The following TNN variants were observed in gnomAD, a reference collection of about 807,000 sequenced individuals.
TNN encodes tenascin N, also known as tenascin-N.
TNN carries 122 observed loss-of-function variants against 134.4 expected under a neutral mutation model. The ratio of observed to expected loss-of-function variants is 0.91; its 90% CI spans 0.78 to 1.06. The LOEUF (loss-of-function observed/expected upper bound fraction) is 1.06, where lower values mean the gene tolerates loss of function less well. Ranked by LOEUF, TNN falls within the 50% of genes least tolerant of loss-of-function variation. The pLI is 0.00. For synonymous variants in TNN, 710 were observed against 670.3 expected (o/e 1.06, Z -0.91); for missense variants, 1,739 against 1,699.4 (o/e 1.02, Z -0.41).
intron 12 of TNN, among the ~76,000 whole-genome samples, chr1:175,126,104 C>CTTTTTTT (rs11410834): frequency 7.5e-6 from 1 of 133,332 alleles, no homozygotes; most frequent in African/African-American, 2.9e-5. Flanking sequence ...TTGTTTCTTT[C>CTTTTTTT]TTTTTTTTTT....
chr1:175,070,544 G>A (rs1054796153), intron 1 of TNN, among the ~76,000 whole-genome samples: 1 of 152,192 alleles, frequency 6.6e-6, no homozygotes, highest in African/African-American at 2.4e-5. Context: ...GGGGGACAGA[G>A]TGATACCCAG....
chr1:175,080,372 C>T lies in TNN; in HGVS notation c.994C>T (p.Arg332Cys), dbSNP rs1046965835. The change falls in exon 4 of 19, where the codon CGT becomes TGT. Residue 332 changes from arginine (R) to cysteine (C), a missense_variant. Transcript: ENST00000239462. ...LPGTKYIVTL[R>C]NVKNEVSSSP... ...TGGAACCAAGTACATAGTCACCCTGCGTAACGTCAAGAATGAAGTTTCTAG... is the reference window on the plus strand; with the variant it reads ...TGGAACCAAGTACATAGTCACCCTGTGTAACGTCAAGAATGAAGTTTCTAG... The T allele has an allele frequency of 1.1e-5, 17 of 1,613,954 alleles. No homozygotes were observed. The highest frequency in any genetic ancestry group is 4.0e-5 in the African/African-American group (3 of 74,916).
At chr1:175,109,070 G>GTTTTT (rs1338891175) in intron 9 of TNN, among the ~76,000 whole-genome samples, 2 of 88,336 alleles carry the variant, frequency 2.3e-5, no homozygotes, top group Non-Finnish European at 4.3e-5. Context: ...CTATCTAACT[G>GTTTTT]TATTTTTTTT....
intron 7 of TNN, among the ~76,000 whole-genome samples, chr1:175,095,959 G>A (rs977453639): frequency 2.0e-5 from 3 of 152,378 alleles, no homozygotes; most frequent in Admixed American, 6.5e-5. Context: ...GGAGCCTCTG[G>A]AGGGTGGCAT....
At chr1:175,096,128 G>C (rs1038786535) in intron 7 of TNN, among the ~76,000 whole-genome samples, 1 of 152,222 alleles carries the variant, frequency 6.6e-6, no homozygotes, top group Non-Finnish European at 1.5e-5. Context: ...AAATGTCCCT[G>C]GAGCTATGGG....
chr1:175,101,338 G>A (rs1248974339), intron 9 of TNN, among the ~76,000 whole-genome samples: 3 of 151,864 alleles, frequency 2.0e-5, no homozygotes, highest in South Asian at 2.1e-4. Context: ...CGGTGGGCTC[G>A]TGGTCTCGCT....
intron 8 of TNN, among the ~76,000 whole-genome samples, 191 bp downstream of exon 8, chr1:175,097,874 C>T (rs1331717641): frequency 6.6e-6 from 1 of 152,116 alleles, no homozygotes; most frequent in African/African-American, 2.4e-5. Flanking sequence ...TTCATGAGAC[C>T]ACTTGGCCCA....
intron 9 of TNN, among the ~76,000 whole-genome samples, chr1:175,112,814 G>T (rs1252077403): frequency 3.3e-5 from 5 of 151,444 alleles, no homozygotes; most frequent in Non-Finnish European, 7.4e-5. Context: ...TAGAGACAGG[G>T]TTTCACCATG....
At chr1:175,090,583 A>G (rs1674422067) in intron 6 of TNN, among the ~76,000 whole-genome samples, 2 of 152,186 alleles carry the variant, frequency 1.3e-5, no homozygotes, top group South Asian at 2.1e-4. Flanking sequence ...GCCTGTGACT[A>G]TGTGCTCAAG....
chr1:175,077,776 G>A lies in TNN; in HGVS notation c.358G>A (p.Val120Met). 1 of 1,614,212 alleles carries A rather than the reference G, an allele frequency of 6.2e-7. No individual in the cohort carries two copies. Among genetic ancestry groups the A allele is most frequent in the Non-Finnish European group, 8.5e-7 (1 of 1,180,028 alleles). The change falls in exon 2 of 19, where the codon GTG becomes ATG. Residue 120 changes from valine (V) to methionine (M), a missense_variant. Transcript: ENST00000239462. Reference sequence around the variant, plus strand: ...GGTGAAGAAGCTGGAGGAAGAGATGGTGGAGATGAAGGAACAGTGTAGTGC... The same window carrying A: ...GGTGAAGAAGCTGGAGGAAGAGATGATGGAGATGAAGGAACAGTGTAGTGC... ...ARVKKLEEEM[V>M]EMKEQCSAQR...
chr1:175,139,810 G>T (rs1425927643), intron 17 of TNN, among the ~76,000 whole-genome samples: 1 of 152,210 alleles, frequency 6.6e-6, no homozygotes, highest in African/African-American at 2.4e-5. Flanking sequence ...TGATGCATTG[G>T]TCTGCAACCT....
In TNN at chr1:175,079,525, CCTG is replaced by C; in HGVS notation, c.604_606del (p.Cys202del). ...GTGGGTGCCGACTGCGGCTACCCGG[CCTG>C]CCCTGAGAACTGCAGCGGACACGGC... On this transcript the variant is annotated inframe_deletion, in exon 3 of 19. Transcript: ENST00000239462. 6.4e-7 allele frequency: 1 copy of C among 1,564,262 alleles called. No individual in the cohort carries two copies. Among genetic ancestry groups the C allele is most frequent in the South Asian group, 1.2e-5 (1 of 85,836 alleles).
intron 4 of TNN, among the ~76,000 whole-genome samples, chr1:175,081,763 A>G (rs1285922669): frequency 6.6e-6 from 1 of 152,188 alleles, no homozygotes; most frequent in Non-Finnish European, 1.5e-5. Context: ...TATCTCAGTA[A>G]GACAGCGTTA....
At chr1:175,080,984 G>A (rs1180576445) in intron 4 of TNN, among the ~76,000 whole-genome samples, 1 of 152,234 alleles carries the variant, frequency 6.6e-6, no homozygotes, top group East Asian at 1.9e-4. Flanking sequence ...TGGACCCAGA[G>A]AGAGCTGTAG....
intron 5 of TNN, among the ~76,000 whole-genome samples, chr1:175,084,607 G>A (rs189718895): frequency 6.6e-6 from 1 of 152,274 alleles, no homozygotes; most frequent in Admixed American, 6.5e-5. Context: ...TGAAAGTGTG[G>A]GGCTTATTAG....
chr1:175,146,881 C>T (rs957341688), intron 18 of TNN, 50 bp from the exon 19 acceptor site: 9 of 1,474,722 alleles, frequency 6.1e-6, no homozygotes, highest in Non-Finnish European at 7.2e-6. Flanking sequence ...CCACCCTGCC[C>T]TCCTCCTAAG....
chr1:175,145,510 G>C (rs1676040742), intron 18 of TNN, among the ~76,000 whole-genome samples: 2 of 126,128 alleles, frequency 1.6e-5, no homozygotes, highest in South Asian at 5.2e-4. Flanking sequence ...CCATGATCAA[G>C]CCACTGCACT....
chr1:175,139,029 G>C (rs1279065456), intron 17 of TNN, among the ~76,000 whole-genome samples: 1 of 152,150 alleles, frequency 6.6e-6, no homozygotes, highest in Non-Finnish European at 1.5e-5. Flanking sequence ...AATCTGTAAG[G>C]GTACTTACTA....
chr1:175,079,815 C>T, intron 3 of TNN, 108 bp downstream of exon 3: 1 of 1,398,512 alleles, frequency 7.2e-7, no homozygotes, highest in Non-Finnish European at 9.4e-7. Flanking sequence ...TTAGCCTACG[C>T]CAGATTGCTG....
Sources: allele counts gnomAD v4.1 joint callset (sites outside exome capture counted in the v4.1 genomes callset), GRCh38; gene constraint gnomAD v4.1.1; transcripts MANE v1.5; gene names NCBI Gene and HGNC (gene_info 2026-07-23, HGNC 2026-07-21).